Variants in GCSAML observed in about 807,000 individuals in gnomAD.
GCSAML encodes germinal center-associated signaling and motility-like protein.
GCSAML carries 9 observed loss-of-function variants against 13.0 expected under a neutral mutation model. That is an observed-to-expected ratio of 0.69 (90% CI 0.42 to 1.21). The LOEUF (loss-of-function observed/expected upper bound fraction) is 1.21. Among genes scored for constraint, GCSAML ranks in the 50% most tolerant of loss-of-function variants. The pLI is 0.00. For missense variants in GCSAML, 143 were observed against 153.4 expected (o/e 0.93, Z 0.36); for synonymous variants, 37 against 52.9 (o/e 0.70, Z 1.31).
At chr1:247,520,327 G>T (rs553567439) in intron 1 of GCSAML, among the ~76,000 whole-genome samples, 1 of 152,180 alleles carries the variant, frequency 6.6e-6, no homozygotes, top group African/African-American at 2.4e-5. Flanking sequence ...GATGTGGATG[G>T]GCCTGATCCA....
intron 4 of GCSAML, among the ~76,000 whole-genome samples, chr1:247,571,568 C>T (rs377362614): frequency 7.9e-5 from 12 of 152,292 alleles, no homozygotes; most frequent in Non-Finnish European, 7.4e-5. Flanking sequence ...CAGAGAGATC[C>T]GCCATTAGTC....
chr1:247,554,652 T>G (rs1392908035), intron 1 of GCSAML, among the ~76,000 whole-genome samples: 2 of 152,182 alleles, frequency 1.3e-5, no homozygotes, highest in African/African-American at 4.8e-5. Context: ...AGTTCCTTTA[T>G]GATTCCCTCT....
chr1:247,573,964 G>A (rs777268136), intron 4 of GCSAML, among the ~76,000 whole-genome samples, 179 bp from the exon 5 acceptor site: 1 of 152,078 alleles, frequency 6.6e-6, no homozygotes, highest in Non-Finnish European at 1.5e-5. Flanking sequence ...GTAAATGGGA[G>A]TTCACTCATG....
At position 247,526,722 on chromosome 1, in the gene GCSAML, G is replaced by A. The variant is rs559138485; in HGVS notation, c.-262-218G>A. 6.7e-5 allele frequency: 24 copies of A among 356,512 alleles called. No homozygotes were observed. Among genetic ancestry groups the A allele is most frequent in the South Asian group, 4.6e-4 (21 of 45,762 alleles). The allele number at this position is 356,512 out of a possible 1,614,324, so 22.1% of individuals were successfully genotyped here. A position where few individuals can be genotyped will look rare whatever the true frequency, so the allele number is the denominator to read the frequency against. ...GGATGATCCAGGTTTTCTGTCCTGT[G>A]AGAAGCCATCAAAGCCTATGGTTGC... On this transcript the variant is annotated intron_variant, in intron 1 of 5. Coordinates refer to the GCSAML transcript ENST00000366489. The surrounding 1 kb of genome is among the most constrained non-coding windows in gnomAD (Gnocchi z 4.8).
At chr1:247,558,361 A>T (rs573459831) in intron 2 of GCSAML, among the ~76,000 whole-genome samples, 1 of 152,348 alleles carries the variant, frequency 6.6e-6, no homozygotes, top group Non-Finnish European at 1.5e-5. Flanking sequence ...TACAGAAAGG[A>T]CAGTATGAGC....
intron 1 of GCSAML, among the ~76,000 whole-genome samples, chr1:247,517,288 G>A (rs1666242713): frequency 6.6e-6 from 1 of 152,190 alleles, no homozygotes; most frequent in African/African-American, 2.4e-5. Context: ...AAATGTACAG[G>A]TATTGTGAGT....
chr1:247,529,439 T>C (rs140211162), intron 2 of GCSAML: 2 of 152,322 alleles, frequency 1.3e-5, no homozygotes, highest in African/African-American at 4.8e-5. Context: ...GGTTTAGTTA[T>C]TGAAGCTGAG....
chr1:247,514,986 G>C (rs1454534318), intron 1 of GCSAML, among the ~76,000 whole-genome samples: 1 of 152,114 alleles, frequency 6.6e-6, no homozygotes, highest in Admixed American at 6.5e-5. Context: ...GTTTTCTCTA[G>C]TTCTGGGAAG....
chr1:247,565,356 T>TAA (rs202147937), intron 3 of GCSAML, among the ~76,000 whole-genome samples: 6 of 135,568 alleles, frequency 4.4e-5, no homozygotes, highest in Non-Finnish European at 4.8e-5. Context: ...AGAATCTGTC[T>TAA]AAAAAAAAAA....
At chr1:247,534,259 C>T (rs1325003123) in intron 2 of GCSAML, among the ~76,000 whole-genome samples, 3 of 152,178 alleles carry the variant, frequency 2.0e-5, no homozygotes, top group Non-Finnish European at 4.4e-5. Context: ...TTGTTTACCT[C>T]TGGGTCCCCA....
At chr1:247,546,096 G>A (rs764787447), upstream of GCSAML, among the ~76,000 whole-genome samples, 26 of 151,946 alleles carry the variant, frequency 1.7e-4, no homozygotes, top group African/African-American at 5.6e-4. Flanking sequence ...TTATATTCAC[G>A]TTCTTTTATA....
intron 1 of GCSAML, among the ~76,000 whole-genome samples, chr1:247,523,718 GAA>G (rs1666539277): frequency 6.6e-6 from 1 of 152,132 alleles, no homozygotes; most frequent in South Asian, 2.1e-4. Context: ...TGACAACCAT[GAA>G]AAGTCTAAAT....
Position 247,549,184 on chromosome 1 carries a change from G to A in GCSAML, c.-8G>A, listed in dbSNP as rs778685073. ...TCAGGAGCTGAGAAACCGAGTCACTGTGAAAAGATGGGAAATTATCTCCTG... is the reference window on the plus strand; with the variant it reads ...TCAGGAGCTGAGAAACCGAGTCACTATGAAAAGATGGGAAATTATCTCCTG... On this transcript the variant is annotated 5_prime_UTR_variant, in exon 1 of 5. It adds an upstream start codon to the 5' untranslated region. Transcript: ENST00000366488. The A allele has an allele frequency of 6.2e-7, 1 of 1,614,152 alleles. No homozygotes were observed. The highest frequency in any genetic ancestry group is 8.5e-7 in the Non-Finnish European group (1 of 1,180,022).
At chr1:247,572,151 C>G (rs143315074) in intron 4 of GCSAML, among the ~76,000 whole-genome samples, 2,637 of 152,242 alleles carry the variant, frequency 0.017, 42 homozygotes, top group South Asian at 0.063. Flanking sequence ...TTGGAACATG[C>G]TCCTTTAGAT....
chr1:247,521,365 C>T (rs1047461103), intron 1 of GCSAML, among the ~76,000 whole-genome samples: 11 of 51,544 alleles, frequency 2.1e-4, no homozygotes, highest in East Asian at 7.8e-4. Context: ...TCCCTCTCCA[C>T]GGTCTCCCTC....
rs375445547 is a variant in GCSAML, at chr1:247,563,055, G to A, written c.90-535G>A. On this transcript the variant is annotated intron_variant, in intron 2 of 4. Coordinates refer to ENST00000366488, the MANE Select transcript of GCSAML (RefSeq NM_145278.5). Reference sequence around the variant, plus strand: ...AGTAGAGACGGGGTCTCACCGTGTTGGCCAGGAAGGTCTCGATCTCCTAAC... The same window carrying A: ...AGTAGAGACGGGGTCTCACCGTGTTAGCCAGGAAGGTCTCGATCTCCTAAC... Among the ~76,000 whole-genome samples, 165 of 141,034 alleles carry A rather than the reference G, an allele frequency of 1.2e-3. 1 individual carries two copies. In the East Asian group the frequency reaches 0.017, roughly 15 times the overall value. 92.5% of individuals were successfully genotyped at this position (141,034 alleles called of 152,430 possible).
At chr1:247,564,743 G>A (rs1453990055) in intron 3 of GCSAML, among the ~76,000 whole-genome samples, 1 of 152,114 alleles carries the variant, frequency 6.6e-6, no homozygotes, top group African/African-American at 2.4e-5. Context: ...AGAATACTAC[G>A]TTGCTAACTA....
chr1:247,549,938 T>C (rs1245803907), intron 1 of GCSAML, among the ~76,000 whole-genome samples: 2 of 152,214 alleles, frequency 1.3e-5, no homozygotes, highest in Admixed American at 1.3e-4. Context: ...TTCCAGACAA[T>C]CTTGCATATG....
chr1:247,574,177 G>A lies in GCSAML; in HGVS notation c.203G>A (p.Cys68Tyr), dbSNP rs1252445820. 1.2e-6 allele frequency: 2 copies of A among 1,614,064 alleles called. No individual in the cohort carries two copies. Among genetic ancestry groups the A allele is most frequent in the African/African-American group, 1.3e-5 (1 of 75,038 alleles). Residue 68 changes from cysteine (C) to tyrosine (Y), a missense_variant, in exon 5 of 5, where the codon TGC becomes TAC. Cys to Tyr is a radical substitution (Grantham distance 194). Coordinates refer to ENST00000366488, the MANE Select transcript of GCSAML (RefSeq NM_145278.5). ...NENGSGSEEVCYTVINHIPHQ... is the reference protein window; with the variant it reads ...NENGSGSEEVYYTVINHIPHQ... ...AATGGCAGTGGTTCTGAAGAAGTGT[G>A]CTACACTGTCATTAATCACATCCCC...
Sources: allele counts gnomAD v4.1 joint callset (sites outside exome capture counted in the v4.1 genomes callset), GRCh38; gene constraint gnomAD v4.1.1; non-coding constraint Gnocchi (gnomAD v3.1); transcripts MANE v1.5; gene names NCBI Gene and HGNC (gene_info 2026-07-23, HGNC 2026-07-21).